The following SLC44A5 variants were observed in gnomAD, a reference collection of about 807,000 sequenced individuals.
SLC44A5 encodes solute carrier family 44 member 5.
Under a neutral mutation model 101.8 loss-of-function variants are expected in SLC44A5, and 57 were observed. That is an observed-to-expected ratio of 0.56 (90% CI 0.45 to 0.70). The LOEUF is 0.70. SLC44A5 is among the 30% of genes least tolerant of loss of function. The probability of loss-of-function intolerance (pLI) is 0.00; values close to 1 mark genes in which losing one functional copy is unlikely to be tolerated. For synonymous variants in SLC44A5, 281 were observed against 290.9 expected (o/e 0.97, Z 0.35); for missense variants, 737 against 853.1 (o/e 0.86, Z 1.70).
chr1:75,333,457 A>ATTT (rs5775282), intron 4 of SLC44A5, among the ~76,000 whole-genome samples: 19 of 143,066 alleles, frequency 1.3e-4, no homozygotes, highest in Middle Eastern at 3.6e-3. Flanking sequence ...TCTTTTTTCT[A>ATTT]TTTTTTTTTT....
intron 2 of SLC44A5, among the ~76,000 whole-genome samples, chr1:75,461,982 G>A (rs781543900): frequency 2.1e-4 from 32 of 152,190 alleles, no homozygotes; most frequent in Non-Finnish European, 3.8e-4. Context: ...AGGGAAGGAC[G>A]CAGGCCTGGC....
chr1:75,693,009 A>T, the SLC44A5 span, among the ~76,000 whole-genome samples: 23 of 152,230 alleles, frequency 1.5e-4, no homozygotes, highest in African/African-American at 4.8e-4. Context: ...TAGTAATGAA[A>T]CATGAAATCT....
At chr1:75,374,808 A>G (rs1253496772) in intron 3 of SLC44A5, among the ~76,000 whole-genome samples, 2 of 152,198 alleles carry the variant, frequency 1.3e-5, no homozygotes, top group Non-Finnish European at 2.9e-5. Context: ...AGCCAGTACT[A>G]TACACAACAT....
chr1:75,661,754 A>G, the SLC44A5 span, among the ~76,000 whole-genome samples: 1 of 152,188 alleles, frequency 6.6e-6, no homozygotes, highest in African/African-American at 2.4e-5. Context: ...AATGCTAAAC[A>G]TCACTAATAG....
At chr1:75,340,668 T>G (rs1248745522) in intron 3 of SLC44A5, among the ~76,000 whole-genome samples, 1 of 152,220 alleles carries the variant, frequency 6.6e-6, no homozygotes, top group African/African-American at 2.4e-5. Flanking sequence ...GTAGTGACAT[T>G]TCTTCTTTGT....
At position 75,611,090 on chromosome 1, in the gene SLC44A5, C is replaced by T; in HGVS notation, c.-120G>A. On this transcript the variant is annotated 5_prime_UTR_variant, in exon 1 of 24. Transcript: ENST00000370859. ...ACTCCATCAACACTGAACCTTCTAA[C>T]TCTAACATGCTACGATTCACTACTG... The T allele has an allele frequency of 1.0e-6, 1 of 985,332 alleles. No individual in the cohort carries two copies. The highest frequency in any genetic ancestry group is 6.1e-5 in the Admixed American group (1 of 16,272). The allele number at this position is 985,332 out of a possible 1,614,324, so 61.0% of individuals were successfully genotyped here.
intron 2 of SLC44A5, among the ~76,000 whole-genome samples, chr1:75,481,928 C>G (rs553755711): frequency 3.3e-5 from 5 of 152,110 alleles, no homozygotes; most frequent in African/African-American, 1.2e-4. Flanking sequence ...GGGTATATAC[C>G]CAAAGGACTA....
chr1:75,455,652 A>T (rs1303754652), intron 2 of SLC44A5, among the ~76,000 whole-genome samples: 4 of 152,140 alleles, frequency 2.6e-5, no homozygotes, highest in Non-Finnish European at 5.9e-5. Flanking sequence ...TCAATAACTA[A>T]CTTAACAAGC....
the SLC44A5 span, among the ~76,000 whole-genome samples, chr1:75,692,209 T>TC: frequency 1.4e-5 from 2 of 139,990 alleles, no homozygotes; most frequent in Admixed American, 7.2e-5. Flanking sequence ...TTTTTTTTTT[T>TC]CTGAGACAGA....
the SLC44A5 span, among the ~76,000 whole-genome samples, chr1:75,630,703 T>C: frequency 1.3e-5 from 2 of 152,066 alleles, no homozygotes; most frequent in African/African-American, 4.8e-5. Context: ...ACCTGTTTAC[T>C]CCCAAAGAGT....
intron 2 of SLC44A5, among the ~76,000 whole-genome samples, chr1:75,495,660 C>T (rs1668632063): frequency 6.6e-6 from 1 of 151,392 alleles, no homozygotes; most frequent in Non-Finnish European, 1.5e-5. Flanking sequence ...TCAGCAAACT[C>T]AAAGACAAGT....
chr1:75,257,996 A>C (rs925560281), intron 6 of SLC44A5, among the ~76,000 whole-genome samples: 1 of 152,060 alleles, frequency 6.6e-6, no homozygotes, highest in African/African-American at 2.4e-5. Context: ...TAGGGACTGT[A>C]TCATGCACTC....
intron 3 of SLC44A5, among the ~76,000 whole-genome samples, chr1:75,358,677 T>C (rs1659260031): frequency 6.6e-6 from 1 of 152,182 alleles, no homozygotes; most frequent in African/African-American, 2.4e-5. Flanking sequence ...CCCCAAAATT[T>C]ATTTTTTGTA....
chr1:75,600,486 T>C (rs961686048), intron 1 of SLC44A5, among the ~76,000 whole-genome samples: 1 of 152,194 alleles, frequency 6.6e-6, no homozygotes, highest in Non-Finnish European at 1.5e-5. Flanking sequence ...GTTTAACCTC[T>C]GTGAATTGTC....
intron 12 of SLC44A5, among the ~76,000 whole-genome samples, chr1:75,232,667 C>T (rs1647689504): frequency 6.6e-6 from 1 of 152,128 alleles, no homozygotes; most frequent in South Asian, 2.1e-4. Flanking sequence ...TAACCCAATG[C>T]ATACTGATTG....
intron 4 of SLC44A5, among the ~76,000 whole-genome samples, chr1:75,306,446 T>C (rs1654902645): frequency 6.6e-6 from 1 of 152,218 alleles, no homozygotes; most frequent in South Asian, 2.1e-4. Flanking sequence ...TCAGATCTTT[T>C]TTATTTTTTG....
chr1:75,253,127 A>T (rs1306059968), intron 6 of SLC44A5, among the ~76,000 whole-genome samples: 1 of 152,176 alleles, frequency 6.6e-6, no homozygotes, highest in Non-Finnish European at 1.5e-5. Context: ...CTTTAGTAAG[A>T]AGGGGCAGTA....
chr1:75,683,952 C>T, the SLC44A5 span, among the ~76,000 whole-genome samples: 33,812 of 151,970 alleles, frequency 0.22, 4,596 homozygotes, highest in Middle Eastern at 0.36. Context: ...TGTATTAGTT[C>T]GTTTTCATGC....
chr1:75,547,911 T>A (rs189555896), intron 1 of SLC44A5, among the ~76,000 whole-genome samples: 1 of 152,322 alleles, frequency 6.6e-6, no homozygotes, highest in East Asian at 1.9e-4. Context: ...CAGTTAATAG[T>A]CTAAAGTCTG....
Sources: gnomAD v4.1 joint callset for allele counts (sites outside exome capture counted in the v4.1 genomes callset) on GRCh38, gnomAD v4.1.1 for gene constraint, MANE v1.5 for transcripts, NCBI Gene and HGNC (gene_info 2026-07-23, HGNC 2026-07-21) for gene names.